Variants in DEFB131A observed in about 807,000 individuals in gnomAD.
DEFB131A encodes the protein defensin beta 131A.
Under a neutral mutation model 2.4 loss-of-function variants are expected in DEFB131A, and 5 were observed. The ratio of observed to expected loss-of-function variants is 2.12; its 90% CI spans 1.11 to 4.47. The LOEUF is 4.47. DEFB131A is among the 30% of genes most tolerant of loss of function. The pLI, the probability that DEFB131A is intolerant of heterozygous loss-of-function variation, is 0.00. For missense variants in DEFB131A, 120 were observed against 79.9 expected (o/e 1.50, Z -1.91); for synonymous variants, 34 against 25.7 (o/e 1.32, Z -0.97).
intron 1 of DEFB131A, among the ~76,000 whole-genome samples, chr4:9,448,560 G>A (rs1450652520): frequency 6.6e-6 from 1 of 152,140 alleles, no homozygotes; most frequent in African/African-American, 2.4e-5. Flanking sequence ...CTGACCTCAG[G>A]TGATCCGCCC....
intron 1 of DEFB131A, among the ~76,000 whole-genome samples, chr4:9,447,963 A>G (rs1357627333): frequency 6.6e-6 from 1 of 152,138 alleles, no homozygotes; most frequent in Non-Finnish European, 1.5e-5. Flanking sequence ...GCCAATTACA[A>G]AAGGAACAAT....
chr4:9,448,975 A>G (rs1277851588), intron 1 of DEFB131A, among the ~76,000 whole-genome samples: 1 of 152,086 alleles, frequency 6.6e-6, no homozygotes, highest in East Asian at 1.9e-4. Context: ...TATTACAACT[A>G]ATAACAAATT....
intron 1 of DEFB131A, among the ~76,000 whole-genome samples, chr4:9,445,973 T>C (rs1192087168): frequency 5.3e-5 from 8 of 152,138 alleles, no homozygotes; most frequent in African/African-American, 1.4e-4. Flanking sequence ...TCAAGATTCA[T>C]CCATGTTGTG....
chr4:9,449,633 A>G (rs1162224346), intron 1 of DEFB131A, among the ~76,000 whole-genome samples: 2 of 151,988 alleles, frequency 1.3e-5, no homozygotes, highest in Non-Finnish European at 2.9e-5. Context: ...GATGTTGGTC[A>G]TGGCAATTAT....
At chr4:9,450,002 T>A (rs1182830036) in intron 1 of DEFB131A, among the ~76,000 whole-genome samples, 1 of 152,140 alleles carries the variant, frequency 6.6e-6, no homozygotes, top group Non-Finnish European at 1.5e-5. Flanking sequence ...CTAGATTACA[T>A]CCCCAATGAC....
At chr4:9,446,643 T>C (rs1473299189) in intron 1 of DEFB131A, among the ~76,000 whole-genome samples, 1 of 152,056 alleles carries the variant, frequency 6.6e-6, no homozygotes, top group Non-Finnish European at 1.5e-5. Flanking sequence ...TTGGATTTCA[T>C]TTTTTCTTGT....
chr4:9,445,172 A>G (rs1405368503), intron 1 of DEFB131A, among the ~76,000 whole-genome samples: 1 of 152,178 alleles, frequency 6.6e-6, no homozygotes, highest in Non-Finnish European at 1.5e-5. Flanking sequence ...GGAAATTTAA[A>G]GAATTGGAAA....
chr4:9,448,261 A>G (rs1183426659), intron 1 of DEFB131A, among the ~76,000 whole-genome samples: 3 of 152,124 alleles, frequency 2.0e-5, no homozygotes, highest in Non-Finnish European at 2.9e-5. Context: ...CTTCTCTTAA[A>G]CCACATAAGC....
Position 9,444,559 on chromosome 4 carries a change from G to A in DEFB131A, c.26G>A (p.Gly9Glu), listed in dbSNP as rs1717432475. MRVLFFVFGVLSLMFTVPP... is the reference protein window; with the variant it reads MRVLFFVFEVLSLMFTVPP... The stretch of plus-strand genomic sequence containing the variant: ...ATGAGGGTCTTGTTTTTTGTCTTTG[G>A]AGTCCTTTCCTTGATGTTCACAGTT... Residue 9 changes from glycine to glutamate, a missense_variant, in exon 1 of 2, where the codon GGA becomes GAA. By Grantham distance (98) the Gly-to-Glu change is moderately conservative. Coordinates refer to ENST00000334879, the MANE Select transcript of DEFB131A (RefSeq NM_001040448.3). 1 of 1,611,044 alleles carries A rather than the reference G, an allele frequency of 6.2e-7. No homozygotes were observed. The highest frequency in any genetic ancestry group is 8.5e-7 in the Non-Finnish European group (1 of 1,179,522).
intron 1 of DEFB131A, among the ~76,000 whole-genome samples, chr4:9,446,120 C>A (rs1474147049): frequency 6.6e-6 from 1 of 151,944 alleles, no homozygotes; most frequent in Non-Finnish European, 1.5e-5. Context: ...AAATATAAAA[C>A]ACCAACATTC....
intron 1 of DEFB131A, among the ~76,000 whole-genome samples, chr4:9,447,123 A>G (rs1461308936): frequency 1.3e-5 from 2 of 152,204 alleles, no homozygotes; most frequent in African/African-American, 4.8e-5. Context: ...GGTACAGATT[A>G]AATTCAATGA....
At position 9,444,415 on chromosome 4, in the gene DEFB131A, T is replaced by C; in HGVS notation, c.-119T>C. ...ATCTCCTTGAAACACAGAAATGTTC[T>C]TGCTCCTGAAAGGTTCAATAATCAC... On this transcript the variant is annotated 5_prime_UTR_variant, in exon 1 of 2. Coordinates refer to ENST00000334879, the MANE Select transcript of DEFB131A (RefSeq NM_001040448.3). 3 of 1,069,166 alleles carry C rather than the reference T, an allele frequency of 2.8e-6. No individual in the cohort carries two copies. The highest frequency in any genetic ancestry group is 2.7e-6 in the Non-Finnish European group (2 of 728,330). 66.2% of individuals were successfully genotyped at this position (1,069,166 alleles called of 1,614,324 possible).
rs1481398377 is a variant in DEFB131A at position 9,446,456 on chromosome 4, G to A, written c.58+1865G>A. Among the ~76,000 whole-genome samples the A allele has an allele frequency of 3.9e-5, 6 of 152,022 alleles. No homozygotes were observed. The East Asian group carries it at 5.8e-4, about 15-fold the overall frequency. Reference sequence around the variant, plus strand: ...TTGTAATGTCTCCTGTTTTATTTCCGATTTTATTTATTTGGCATTCTCTCT... The same window carrying A: ...TTGTAATGTCTCCTGTTTTATTTCCAATTTTATTTATTTGGCATTCTCTCT... On this transcript the variant is annotated intron_variant, in intron 1 of 1. Transcript: ENST00000334879.
At chr4:9,449,002 T>G (rs1365874980) in intron 1 of DEFB131A, among the ~76,000 whole-genome samples, 18 of 151,994 alleles carry the variant, frequency 1.2e-4, no homozygotes, top group African/African-American at 4.1e-4. Flanking sequence ...AGTTGCAGGA[T>G]AGAAAATCAA....
At position 9,450,456 on chromosome 4, in the gene DEFB131A, A is replaced by T; in HGVS notation, c.155A>T (p.Asp52Val). 1 of 1,611,156 alleles carries T rather than the reference A, an allele frequency of 6.2e-7. No homozygotes were observed. The highest frequency in any genetic ancestry group is 8.5e-7 in the Non-Finnish European group (1 of 1,179,376). ...ADEHAIRYCA[D>V]FSICCKLKII... ...GAACATGCAATTAGATACTGTGCTG[A>T]CTTCAGCATCTGCTGCAAACTGAAG... The change falls in exon 2 of 2, where the codon GAC (aspartate) becomes GTC (valine). Residue 52 changes from aspartate (D) to valine (V), a missense_variant. Coordinates refer to ENST00000334879, the MANE Select transcript of DEFB131A (RefSeq NM_001040448.3).
intron 1 of DEFB131A, 77 bp from the exon 2 acceptor site, chr4:9,450,283 A>G: frequency 7.5e-7 from 1 of 1,326,522 alleles, no homozygotes; most frequent in Non-Finnish European, 9.7e-7. Flanking sequence ...TTTTTAATTT[A>G]TTATAAAACA....
At chr4:9,449,064 C>G (rs1241698640) in intron 1 of DEFB131A, among the ~76,000 whole-genome samples, 1 of 151,250 alleles carries the variant, frequency 6.6e-6, no homozygotes, top group Non-Finnish European at 1.5e-5. Flanking sequence ...CACTGGAAAG[C>G]AAGTAAAGAA....
intron 1 of DEFB131A, among the ~76,000 whole-genome samples, chr4:9,448,972 A>T (rs1419261045): frequency 6.6e-6 from 1 of 152,092 alleles, no homozygotes; most frequent in African/African-American, 2.4e-5. Flanking sequence ...AATTATTACA[A>T]CTAATAACAA....
At chr4:9,445,979 T>C (rs1466977026) in intron 1 of DEFB131A, among the ~76,000 whole-genome samples, 1 of 152,144 alleles carries the variant, frequency 6.6e-6, no homozygotes, top group African/African-American at 2.4e-5. Flanking sequence ...TTCATCCATG[T>C]TGTGGCATAG....
Sources: allele counts gnomAD v4.1 joint callset (sites outside exome capture counted in the v4.1 genomes callset), GRCh38; gene constraint gnomAD v4.1.1; transcripts MANE v1.5; gene names NCBI Gene and HGNC (gene_info 2026-07-23, HGNC 2026-07-21).